The following WDR72 variants were observed in gnomAD, a reference collection of about 807,000 sequenced individuals.
The protein encoded by WDR72 is WD repeat domain 72.
In WDR72, 120 loss-of-function variants were observed where a neutral mutation model predicts 124.2. That is an observed-to-expected ratio of 0.97 (90% CI 0.83 to 1.12). The LOEUF is 1.12. Among genes scored for constraint, WDR72 ranks in the 50% most tolerant of loss-of-function variants. The pLI, the probability that WDR72 is intolerant of heterozygous loss-of-function variation, is 0.00. For missense variants in WDR72, 1,387 were observed against 1,278.8 expected, an observed-to-expected ratio of 1.08 and a Z score of -1.29; for synonymous variants, 452 against 441.7, an observed-to-expected ratio of 1.02 and a Z score of -0.29.
Position 53,615,570 on chromosome 15 carries a change from G to A in WDR72, c.2636C>T (p.Pro879Leu). 1 of 1,612,998 alleles carries A rather than the reference G, an allele frequency of 6.2e-7. No homozygotes were observed. The change falls in exon 15 of 20, where the codon CCA (proline) becomes CTA (leucine). Residue 879 changes from proline to leucine, a missense_variant. Coordinates refer to ENST00000360509, the MANE Select transcript of WDR72 (RefSeq NM_182758.4). ...DLSDKYTATL[P>L]NQVGIPRGLE... is the part of the protein sequence containing the mutation. ...TCCTCTTGGAATTCCAACCTGATTT[G>A]GAAGAGTGGCTGTGTATTTATCTGA...
chr15:53,578,260 G>A (rs908121372), intron 18 of WDR72, among the ~76,000 whole-genome samples: 1 of 152,102 alleles, frequency 6.6e-6, no homozygotes, highest in Non-Finnish European at 1.5e-5. Context: ...AAAACACAGG[G>A]TGGTCAGTGG....
At chr15:53,717,879 A>G (rs1041596153) in intron 3 of WDR72, among the ~76,000 whole-genome samples, 6 of 152,132 alleles carry the variant, frequency 3.9e-5, no homozygotes, top group African/African-American at 1.4e-4. Flanking sequence ...AAAGACATAT[A>G]ATTCTATAAA....
intron 15 of WDR72, among the ~76,000 whole-genome samples, chr15:53,614,819 C>G (rs1431726551): frequency 6.6e-6 from 1 of 151,852 alleles, no homozygotes; most frequent in Non-Finnish European, 1.5e-5. Context: ...AGTGACTAGC[C>G]CAAAGCCACA....
At chr15:53,560,491 C>T (rs1056451107) in intron 18 of WDR72, among the ~76,000 whole-genome samples, 9 of 151,786 alleles carry the variant, frequency 5.9e-5, no homozygotes, top group Non-Finnish European at 8.8e-5. Flanking sequence ...GGCGACCCAC[C>T]CCTTCCTTCC....
At chr15:53,706,373 T>TATATATATATATACAC (rs1567040210) in intron 9 of WDR72, among the ~76,000 whole-genome samples, 2 of 67,336 alleles carry the variant, frequency 3.0e-5, no homozygotes, top group African/African-American at 1.2e-4. Context: ...TATATATATA[T>TATATATATATATACAC]ATATATATAT....
intron 3 of WDR72, among the ~76,000 whole-genome samples, chr15:53,719,796 C>G (rs1312260536): frequency 1.3e-5 from 2 of 152,242 alleles, no homozygotes; most frequent in East Asian, 1.9e-4. Context: ...TCTAATTAAA[C>G]AAACTCTGCA....
intron 1 of WDR72, among the ~76,000 whole-genome samples, chr15:53,758,987 G>A (rs1428145418): frequency 1.3e-5 from 2 of 151,626 alleles, no homozygotes; most frequent in Non-Finnish European, 2.9e-5. Context: ...TTATCTTCCT[G>A]CCTCTCATCC....
intron 14 of WDR72, among the ~76,000 whole-genome samples, chr15:53,660,216 TTC>T (rs143661271): frequency 0.049 from 7,472 of 151,044 alleles, 619 homozygotes; most frequent in African/African-American, 0.17. Context: ...TAAATATTTG[TTC>T]TTTTTTTATA....
At chr15:53,706,432 A>G (rs993288443) in intron 9 of WDR72, among the ~76,000 whole-genome samples, 2 of 142,960 alleles carry the variant, frequency 1.4e-5, no homozygotes, top group Non-Finnish European at 3.0e-5. Context: ...GGCTTTCTAC[A>G]TATTCAGTTA....
At chr15:53,753,392 A>C (rs2018820739) in intron 1 of WDR72, among the ~76,000 whole-genome samples, 1 of 152,220 alleles carries the variant, frequency 6.6e-6, no homozygotes, top group Admixed American at 6.5e-5. Flanking sequence ...GCCAGGGAAG[A>C]CTTTAAACTC....
intron 17 of WDR72, 103 bp from the exon 18 acceptor site, chr15:53,597,377 C>A: frequency 8.7e-7 from 1 of 1,151,766 alleles, no homozygotes; most frequent in Non-Finnish European, 1.2e-6. Flanking sequence ...AATAGGTTTC[C>A]ATAAACGATA....
intron 5 of WDR72, among the ~76,000 whole-genome samples, chr15:53,714,972 C>T (rs191101596): frequency 6.6e-6 from 1 of 152,306 alleles, no homozygotes; most frequent in East Asian, 1.9e-4. Flanking sequence ...TCTCCTCTTT[C>T]CCCCTCATCT....
At chr15:53,584,135 G>T (rs2012077971) in intron 18 of WDR72, among the ~76,000 whole-genome samples, 1 of 151,884 alleles carries the variant, frequency 6.6e-6, no homozygotes. Flanking sequence ...ACCCAAACTT[G>T]TCAATAAATG....
At chr15:53,637,426 AC>A (rs1204900679) in intron 14 of WDR72, among the ~76,000 whole-genome samples, 1 of 152,218 alleles carries the variant, frequency 6.6e-6, no homozygotes, top group African/African-American at 2.4e-5. Context: ...GCTGCACAGC[AC>A]CACTGGAGTA....
At chr15:53,715,650 A>G (rs554812899) in intron 4 of WDR72, among the ~76,000 whole-genome samples, 123 of 134,204 alleles carry the variant, frequency 9.2e-4, no homozygotes, top group African/African-American at 3.0e-3. Flanking sequence ...CTGGAGTGCA[A>G]CTTGGAACTA....
chr15:53,536,216 C>G (rs943331266), intron 18 of WDR72, among the ~76,000 whole-genome samples: 1 of 152,050 alleles, frequency 6.6e-6, no homozygotes, highest in Non-Finnish European at 1.5e-5. Context: ...CAGTCACCCT[C>G]CAAAGGAAAA....
At chr15:53,603,029 G>C (rs953513078) in intron 17 of WDR72, among the ~76,000 whole-genome samples, 1 of 151,630 alleles carries the variant, frequency 6.6e-6, no homozygotes, top group Non-Finnish European at 1.5e-5. Flanking sequence ...GCAGAAATAT[G>C]ACAAAAAAAG....
At chr15:53,616,749 G>A (rs1325929277) in intron 14 of WDR72, among the ~76,000 whole-genome samples, 1 of 151,912 alleles carries the variant, frequency 6.6e-6, no homozygotes, top group Non-Finnish European at 1.5e-5. Context: ...TTGTTGACTT[G>A]CATTTGATTT....
chr15:53,712,958 T>C (rs1275318826), intron 6 of WDR72, 67 bp from the exon 7 acceptor site: 3 of 1,562,184 alleles, frequency 1.9e-6, no homozygotes, highest in East Asian at 2.3e-5. Context: ...TGAGAAGACC[T>C]GCTTCCCGTA....
Sources: allele counts gnomAD v4.1 joint callset (sites outside exome capture counted in the v4.1 genomes callset), GRCh38; gene constraint gnomAD v4.1.1; transcripts MANE v1.5; gene names NCBI Gene and HGNC (gene_info 2026-07-23, HGNC 2026-07-21).